The following USP12 variants were observed in gnomAD, a reference collection of about 807,000 sequenced individuals.
USP12 encodes the protein ubiquitin carboxyl-terminal hydrolase 12.
In USP12, 19 loss-of-function variants were observed where a neutral mutation model predicts 45.5. That is an observed-to-expected ratio of 0.42 (90% CI 0.29 to 0.61). The LOEUF (loss-of-function observed/expected upper bound fraction) is 0.61. Ranked by LOEUF, USP12 falls within the 20% of genes least tolerant of loss-of-function variation. The pLI, the probability that USP12 is intolerant of heterozygous loss-of-function variation, is 0.22. For synonymous variants in USP12, 149 were observed against 148.8 expected, an observed-to-expected ratio of 1.00 and a Z score of -0.01; for missense variants, 242 against 447.7, an observed-to-expected ratio of 0.54 and a Z score of 4.15.
At position 27,090,175 on chromosome 13, in the gene USP12, TTG is replaced by T; in HGVS notation, c.574-19_574-18del. On this transcript the variant is annotated intron_variant, in intron 4 of 8. Transcript: ENST00000282344. ...GCTGCTTATCTGTAAAAACAGTGAA[TTG>T]TCTTTGATTTTTTCAAATACTAGTA... 1.9e-6 allele frequency: 3 copies of T among 1,561,032 alleles called. No individual in the cohort carries two copies. The African/African-American group carries it at 4.0e-5, about 21-fold the overall frequency.
chr13:27,156,621 C>T (rs757419177), intron 1 of USP12, among the ~76,000 whole-genome samples: 18 of 152,182 alleles, frequency 1.2e-4, no homozygotes, highest in Non-Finnish European at 2.2e-4. Flanking sequence ...AGTTTGAGAC[C>T]AGCCTGGCCA....
At chr13:27,083,166 G>T (rs1457441624) in intron 6 of USP12, among the ~76,000 whole-genome samples, 1 of 152,140 alleles carries the variant, frequency 6.6e-6, no homozygotes, top group Non-Finnish European at 1.5e-5. Flanking sequence ...TGCAGTTCAT[G>T]GTGCTCCCAA....
chr13:27,093,831 T>C (rs1372890244), intron 4 of USP12, among the ~76,000 whole-genome samples: 2 of 152,196 alleles, frequency 1.3e-5, no homozygotes, highest in Admixed American at 6.5e-5. Flanking sequence ...ACAGTGGAAA[T>C]GTTGCTCAGC....
At chr13:27,112,744 CA>C (rs1200464539) in intron 2 of USP12, among the ~76,000 whole-genome samples, 1 of 152,122 alleles carries the variant, frequency 6.6e-6, no homozygotes, top group Non-Finnish European at 1.5e-5. Context: ...AAATAACATA[CA>C]ACCATATCAT....
intron 1 of USP12, among the ~76,000 whole-genome samples, chr13:27,122,595 T>C (rs1876045729): frequency 2.0e-5 from 3 of 151,906 alleles, no homozygotes; most frequent in Non-Finnish European, 4.4e-5. Context: ...GAAGCTGCAG[T>C]GAGCCGGGAG....
chr13:27,116,051 G>A (rs939655153), intron 2 of USP12, among the ~76,000 whole-genome samples: 1 of 151,964 alleles, frequency 6.6e-6, no homozygotes, highest in East Asian at 1.9e-4. Flanking sequence ...GGTGGCTCAC[G>A]CCTCTAATCC....
intron 1 of USP12, among the ~76,000 whole-genome samples, chr13:27,158,696 T>C (rs1877954953): frequency 6.6e-6 from 1 of 152,162 alleles, no homozygotes; most frequent in African/African-American, 2.4e-5. Context: ...AGTATTATAA[T>C]CCACACACAG....
At chr13:27,085,010 T>C (rs1034153906) in intron 6 of USP12, among the ~76,000 whole-genome samples, 1 of 152,190 alleles carries the variant, frequency 6.6e-6, no homozygotes, top group African/African-American at 2.4e-5. Flanking sequence ...AAGTCTTCCA[T>C]CCATGAATAC....
chr13:27,119,737 T>TC (rs1273529295), intron 1 of USP12, among the ~76,000 whole-genome samples: 1 of 152,152 alleles, frequency 6.6e-6, no homozygotes, highest in Non-Finnish European at 1.5e-5. Context: ...AGCCCACAAT[T>TC]CAACAGCTTG....
intron 6 of USP12, among the ~76,000 whole-genome samples, chr13:27,086,308 C>CACACACAA (rs369044569): frequency 0.01 from 1,262 of 122,598 alleles, 20 homozygotes; most frequent in African/African-American, 0.034. Context: ...CACACACACA[C>CACACACAA]AATGCAGCAC....
chr13:27,071,686 CAATGGT>C, intron 7 of USP12, among the ~76,000 whole-genome samples: 1 of 152,080 alleles, frequency 6.6e-6, no homozygotes, highest in Non-Finnish European at 1.5e-5. Context: ...GACCTTTGCT[CAATGGT>C]AAGTCATTAT....
At chr13:27,079,399 G>A (rs2478929) in intron 6 of USP12, among the ~76,000 whole-genome samples, 6,681 of 152,178 alleles carry the variant, frequency 0.044, 531 homozygotes, top group African/African-American at 0.15. Context: ...TCAGTGACTG[G>A]TCAAAGACTT....
At chr13:27,146,666 A>G (rs1026328312) in intron 1 of USP12, among the ~76,000 whole-genome samples, 5 of 152,220 alleles carry the variant, frequency 3.3e-5, no homozygotes, top group African/African-American at 7.2e-5. Context: ...TTGAAAAAGT[A>G]TGATTCCCTA....
At chr13:27,113,844 G>T (rs1262918819) in intron 2 of USP12, among the ~76,000 whole-genome samples, 1 of 152,068 alleles carries the variant, frequency 6.6e-6, no homozygotes, top group Non-Finnish European at 1.5e-5. Flanking sequence ...GAATGAGAAT[G>T]AAATCAATAC....
rs140864331 is a variant in USP12 at position 27,164,555 on chromosome 13, G to A, written c.48+7037C>T. On this transcript the variant is annotated intron_variant, in intron 1 of 8. Coordinates refer to ENST00000282344, the MANE Select transcript of USP12 (RefSeq NM_182488.4). The stretch of plus-strand genomic sequence containing the variant: ...AGTTTACACTATCACAAAAGTCTTC[G>A]AGTTTTGCTGTGAGAAAGCAAAGAC... Among the ~76,000 whole-genome samples, 829 of 152,206 alleles carry A rather than the reference G, an allele frequency of 5.4e-3. 4 individuals are homozygous for A. Among genetic ancestry groups the A allele is most frequent in the Non-Finnish European group, 8.8e-3 (597 of 67,998 alleles).
intron 3 of USP12, 40 bp from the exon 4 acceptor site, chr13:27,095,870 T>G: frequency 6.9e-7 from 1 of 1,447,188 alleles, no homozygotes; most frequent in Middle Eastern, 1.9e-4. Flanking sequence ...TATTTCAGAA[T>G]TCATAACTTC....
rs1215492557 is a variant in USP12 at position 27,071,892 on chromosome 13, CAT to C, written c.933-745_933-744del. 2.0e-5 allele frequency among the ~76,000 whole-genome samples: 3 copies of C among 152,136 alleles called. No individual in the cohort carries two copies. The East Asian group carries it at 5.8e-4, about 29-fold the overall frequency. On this transcript the variant is annotated intron_variant, in intron 7 of 8. Transcript: ENST00000282344. The stretch of plus-strand genomic sequence containing the variant: ...TTAAGTATGGTTCATTATAAAGGCT[CAT>C]ATAATTATATTTATTAAATTGTAAT...
chr13:27,170,982 C>G (rs1423634897), intron 1 of USP12, among the ~76,000 whole-genome samples: 2 of 152,216 alleles, frequency 1.3e-5, no homozygotes, highest in Non-Finnish European at 2.9e-5. Flanking sequence ...GTCGGGGACT[C>G]GGCCCAGCCA....
intron 1 of USP12, among the ~76,000 whole-genome samples, chr13:27,156,117 T>C (rs973058425): frequency 1.3e-5 from 2 of 151,594 alleles, no homozygotes; most frequent in African/African-American, 4.9e-5. Flanking sequence ...ATTCTGACAA[T>C]GCCAGCCTCA....
Sources: allele counts gnomAD v4.1 joint callset (sites outside exome capture counted in the v4.1 genomes callset), GRCh38; gene constraint gnomAD v4.1.1; transcripts MANE v1.5; gene names NCBI Gene and HGNC (gene_info 2026-07-23, HGNC 2026-07-21).